ZFC3H1: variants seen among roughly 807,000 people sequenced by gnomAD.
ZFC3H1 encodes zinc finger C3H1 domain-containing protein.
ZFC3H1 carries 71 observed loss-of-function variants against 243.7 expected under a neutral mutation model. The ratio of observed to expected loss-of-function variants is 0.29; its 90% CI spans 0.24 to 0.36. The LOEUF is 0.36. Among genes scored for constraint, ZFC3H1 ranks in the 10% least tolerant of loss-of-function variants. ZFC3H1 has a pLI of 1.00. For synonymous variants in ZFC3H1, 838 were observed against 813.0 expected, an observed-to-expected ratio of 1.03 and a Z score of -0.52; for missense variants, 1,966 against 2,317.1, an observed-to-expected ratio of 0.85 and a Z score of 3.11.
chr12:71,644,040 T>C (rs1475740978), intron 5 of ZFC3H1, 55 bp downstream of exon 5: 41 of 1,446,952 alleles, frequency 2.8e-5, no homozygotes, highest in South Asian at 1.8e-4. Flanking sequence ...CTATGAAATA[T>C]GACTTTAAGG....
chr12:71,643,710 CATTT>C (rs1290945114), intron 5 of ZFC3H1, among the ~76,000 whole-genome samples: 9 of 152,144 alleles, frequency 5.9e-5, no homozygotes, highest in Non-Finnish European at 8.8e-5. Flanking sequence ...CATGATTTAA[CATTT>C]ATTAAGGTAG....
intron 9 of ZFC3H1, among the ~76,000 whole-genome samples, 198 bp from the exon 10 acceptor site, chr12:71,635,778 C>G (rs924348018): frequency 6.6e-6 from 1 of 152,080 alleles, no homozygotes; most frequent in African/African-American, 2.4e-5. Context: ...TTAAGACTTT[C>G]TATTCTATAA....
chr12:71,633,176 C>A, intron 13 of ZFC3H1, 88 bp downstream of exon 13: 2 of 1,430,272 alleles, frequency 1.4e-6, no homozygotes, highest in Non-Finnish European at 9.3e-7. Flanking sequence ...ATTTTGCTGG[C>A]TTTAGTATAC....
chr12:71,663,085 G>C lies in ZFC3H1; in HGVS notation c.526C>G (p.Leu176Val), dbSNP rs371674086. Residue 176 changes from leucine to valine, a missense_variant, in exon 1 of 35, where the codon CTG (leucine) becomes GTG (valine). By Grantham distance (32) the Leu-to-Val change is conservative. Around this residue, in one of 4 missense-constraint regions of ZFC3H1, gnomAD observed 484 missense variants for 449.7 expected, o/e 1.08. Coordinates refer to ENST00000378743, the MANE Select transcript of ZFC3H1 (RefSeq NM_144982.5). ...AACCCGGATCCTGCTCCTCCTCCCAGAGGAGGTCTGCACCCCGGCTTGCCT... is the reference window on the plus strand; with the variant it reads ...AACCCGGATCCTGCTCCTCCTCCCACAGGAGGTCTGCACCCCGGCTTGCCT... ...RGGKPGCRPP[L>V]GGGAGSGFSS... The C allele has an allele frequency of 2.5e-6, 4 of 1,613,908 alleles. No individual in the cohort carries two copies. Among genetic ancestry groups the C allele is most frequent in the East Asian group, 2.2e-5 (1 of 44,886 alleles).
intron 12 of ZFC3H1, 51 bp downstream of exon 12, chr12:71,634,104 G>A (rs573351158): frequency 8.4e-6 from 13 of 1,547,826 alleles, no homozygotes; most frequent in Non-Finnish European, 1.1e-5. Flanking sequence ...CCACAAAAAT[G>A]TATTTCTCTA....
In ZFC3H1 at chr12:71,610,720, G is replaced by C. The variant is rs1565798597; in HGVS notation, c.5807C>G (p.Pro1936Arg). The C allele has an allele frequency of 1.9e-6, 3 of 1,613,248 alleles. No individual in the cohort carries two copies. Among genetic ancestry groups the C allele is most frequent in the Middle Eastern group, 1.7e-4 (1 of 6,044 alleles). The change falls in exon 34 of 35, where the codon CCT (proline) becomes CGT (arginine). Residue 1936 changes from proline (P) to arginine (R), a missense_variant. Pro to Arg is a moderately radical substitution (Grantham distance 103). This residue lies in a region of ZFC3H1 where 1,383 missense variants were observed against 1,723.7 expected (regional missense o/e 0.80). Transcript: ENST00000378743. Reference protein sequence around the residue: ...RLYQRALQKLPLCASLWKDQL... With the variant: ...RLYQRALQKLRLCASLWKDQL... ...ATCTTTCCACAGTGATGCACAAAGA[G>C]GTAACTTCTGTAAGGCTCTCTGATA...
intron 10 of ZFC3H1, among the ~76,000 whole-genome samples, chr12:71,635,170 A>C (rs1934686786): frequency 6.6e-6 from 1 of 152,136 alleles, no homozygotes; most frequent in Non-Finnish European, 1.5e-5. Context: ...CAGTCTCCTT[A>C]CTACACAGAA....
intron 23 of ZFC3H1, 35 bp from the exon 24 acceptor site, chr12:71,623,632 T>G: frequency 6.8e-7 from 1 of 1,461,616 alleles, no homozygotes; most frequent in South Asian, 1.3e-5. Context: ...ATAAAAAAAT[T>G]AGAGATGTCA....
At chr12:71,659,174 T>C (rs1478690681) in intron 1 of ZFC3H1, among the ~76,000 whole-genome samples, 2 of 151,730 alleles carry the variant, frequency 1.3e-5, no homozygotes, top group East Asian at 1.9e-4. Flanking sequence ...CAGTTTTACC[T>C]ACCACAGGAG....
At position 71,646,830 on chromosome 12, in the gene ZFC3H1, G is replaced by A. The variant is rs369668653; in HGVS notation, c.1080+919C>T. ...ATTCTGTCACCCACCTATATGCTAC[G>A]TGAGGTAGCTACTTGAACAGCAAGA... On this transcript the variant is annotated intron_variant, in intron 3 of 34. Coordinates refer to ENST00000378743, the MANE Select transcript of ZFC3H1 (RefSeq NM_144982.5). Among the ~76,000 whole-genome samples the A allele has an allele frequency of 3.3e-5, 5 of 152,288 alleles. No homozygotes were observed. The East Asian group carries it at 5.8e-4, about 18-fold the overall frequency.
chr12:71,609,839 G>C lies in ZFC3H1; in HGVS notation c.*589C>G, dbSNP rs1879723844. The stretch of plus-strand genomic sequence containing the variant: ...TTAAACAGTCTCGGCAAGGAGTCCA[G>C]AACGTAGAAAGGGTAATAAACAACC... On this transcript the variant is annotated 3_prime_UTR_variant, in exon 35 of 35. Coordinates refer to ENST00000378743, the MANE Select transcript of ZFC3H1 (RefSeq NM_144982.5). 6.6e-6 allele frequency: 1 copy of C among 152,570 alleles called. No individual in the cohort carries two copies. The highest frequency in any genetic ancestry group is 2.4e-5 in the African/African-American group (1 of 41,426). 9.5% of individuals were successfully genotyped at this position (152,570 alleles called of 1,614,324 possible). A position where few individuals can be genotyped will look rare whatever the true frequency, so the allele number is the denominator to read the frequency against.
At chr12:71,630,486 G>T in intron 18 of ZFC3H1, 114 bp downstream of exon 18, 1 of 1,331,288 alleles carries the variant, frequency 7.5e-7, no homozygotes, top group South Asian at 1.5e-5. Flanking sequence ...AAAGTATTAT[G>T]GGTAAATACA....
intron 18 of ZFC3H1, among the ~76,000 whole-genome samples, chr12:71,629,980 G>C (rs904446126): frequency 6.6e-6 from 1 of 151,610 alleles, no homozygotes; most frequent in Admixed American, 6.6e-5. Flanking sequence ...AATTGGGAGC[G>C]ATAAAATAGA....
intron 32 of ZFC3H1, 48 bp from the exon 33 acceptor site, chr12:71,611,145 A>C: frequency 6.7e-7 from 1 of 1,500,426 alleles, no homozygotes; most frequent in Admixed American, 2.3e-5. Context: ...GAAAAGAAAA[A>C]TTTATATATC....
At chr12:71,631,397 T>C (rs1043232302) in intron 16 of ZFC3H1, among the ~76,000 whole-genome samples, 1 of 152,150 alleles carries the variant, frequency 6.6e-6, no homozygotes, top group Non-Finnish European at 1.5e-5. Context: ...GTTAATCATA[T>C]GAAAATGTCT....
rs1411360880 is a variant in ZFC3H1 at position 71,653,879 on chromosome 12, T to C, written c.1015+3006A>G. On this transcript the variant is annotated intron_variant, in intron 2 of 34. Transcript: ENST00000378743. Reference sequence around the variant, plus strand: ...AAATACAAAAATTAGCCGGGCGCAATGGCATGTACCATAGTCCCAGCTACT... The same window carrying C: ...AAATACAAAAATTAGCCGGGCGCAACGGCATGTACCATAGTCCCAGCTACT... 3.9e-5 allele frequency among the ~76,000 whole-genome samples: 6 copies of C among 151,992 alleles called. No individual in the cohort carries two copies. The East Asian group carries it at 9.7e-4, about 25-fold the overall frequency.
In ZFC3H1 at chr12:71,634,807, C is replaced by A. The variant is rs1441257002; in HGVS notation, c.2257G>T (p.Val753Leu). 22 of 1,582,894 alleles carry A rather than the reference C, an allele frequency of 1.4e-5. No individual in the cohort carries two copies. The highest frequency in any genetic ancestry group is 1.7e-5 in the Non-Finnish European group (20 of 1,169,350). Residue 753 changes from valine to leucine, a missense_variant, in exon 11 of 35, where the codon GTA (valine) becomes TTA (leucine). Physicochemically the swap from Val to Leu is conservative, Grantham distance 32 (BLOSUM62 1). This residue lies in a region of ZFC3H1 where 1,383 missense variants were observed against 1,723.7 expected (regional missense o/e 0.80). Coordinates refer to ENST00000378743, the MANE Select transcript of ZFC3H1 (RefSeq NM_144982.5). The stretch of plus-strand genomic sequence containing the variant: ...TTTTCTTTTTCAGATTTTGGAGGTA[C>A]TTTCGGTTTTGAAGCTTGCTAAAAA... The part of the protein sequence containing the change: ...RTAEQASKPK[V>L]PPKSEKENDP...
At position 71,632,480 on chromosome 12, in the gene ZFC3H1, A is replaced by G. The variant is rs372896973; in HGVS notation, c.2852T>C (p.Val951Ala). 6.3e-7 allele frequency: 1 copy of G among 1,592,150 alleles called. No homozygotes were observed. Among genetic ancestry groups the G allele is most frequent in the Non-Finnish European group, 8.5e-7 (1 of 1,176,706 alleles). Residue 951 changes from valine (V) to alanine (A), a missense_variant, in exon 15 of 35, where the codon GTA (valine) becomes GCA (alanine). By Grantham distance (64) the Val-to-Ala change is moderately conservative (BLOSUM62 0). Coordinates refer to ENST00000378743, the MANE Select transcript of ZFC3H1 (RefSeq NM_144982.5). ...NKMMRLDSSP[V>A]SSPRKHSAEL... ...TGCTGAATGCTTTCTTGGACTTGAT[A>G]CTGGAGAACTGTCCAGTCTCATCAT...
At chr12:71,634,915 T>C (rs1717222820) in intron 10 of ZFC3H1, 90 bp from the exon 11 acceptor site, 3 of 1,382,892 alleles carry the variant, frequency 2.2e-6, no homozygotes, top group South Asian at 1.5e-5. Context: ...CAACCCAGTG[T>C]ATACTGAATT....
Sources: gnomAD v4.1 joint callset for allele counts (sites outside exome capture counted in the v4.1 genomes callset) on GRCh38, gnomAD v4.1.1 for gene constraint, gnomAD v4.1.1 regional missense constraint, MANE v1.5 for transcripts, NCBI Gene and HGNC (gene_info 2026-07-23, HGNC 2026-07-21) for gene names.